PCDH17: variants seen among roughly 807,000 people sequenced by gnomAD.
PCDH17 encodes the protein protocadherin-17.
Under a neutral mutation model 67.7 loss-of-function variants are expected in PCDH17, and 21 were observed. That is an observed-to-expected ratio of 0.31 (90% CI 0.22 to 0.45). The LOEUF (loss-of-function observed/expected upper bound fraction) is 0.45. Among genes scored for constraint, PCDH17 ranks in the 20% least tolerant of loss-of-function variants. The probability of loss-of-function intolerance (pLI) is 1.00; values close to 1 mark genes in which losing one functional copy is unlikely to be tolerated. For missense variants in PCDH17, 1,471 were observed against 1,564.8 expected, an observed-to-expected ratio of 0.94 and a Z score of 1.01; for synonymous variants, 701 against 656.7, an observed-to-expected ratio of 1.07 and a Z score of -1.03.
At chr13:57,721,276 G>A (rs886138319) in intron 3 of PCDH17, among the ~76,000 whole-genome samples, 1 of 152,006 alleles carries the variant, frequency 6.6e-6, no homozygotes, top group African/African-American at 2.4e-5. Flanking sequence ...TAATATCTTG[G>A]CAATCCCAGA....
chr13:57,715,466 GA>G (rs1555288437), intron 3 of PCDH17, among the ~76,000 whole-genome samples: 1 of 151,796 alleles, frequency 6.6e-6, no homozygotes, highest in Non-Finnish European at 1.5e-5. Flanking sequence ...GATTTCAAGG[GA>G]CTTTAGGGTC....
chr13:57,647,695 T>G (rs569704364), intron 1 of PCDH17, among the ~76,000 whole-genome samples: 1 of 151,996 alleles, frequency 6.6e-6, no homozygotes, highest in African/African-American at 2.4e-5. Context: ...TCCTTTAATT[T>G]AGGCTTGAGT....
At chr13:57,640,732 A>G (rs1398172353) in intron 1 of PCDH17, among the ~76,000 whole-genome samples, 3 of 152,050 alleles carry the variant, frequency 2.0e-5, no homozygotes, top group Admixed American at 1.3e-4. Context: ...AGCTGGAAGC[A>G]TGTGAGAATG....
At chr13:57,678,339 A>T (rs1223828635) in intron 3 of PCDH17, among the ~76,000 whole-genome samples, 1 of 151,558 alleles carries the variant, frequency 6.6e-6, no homozygotes, top group Non-Finnish European at 1.5e-5. Flanking sequence ...AAAAGCTTTG[A>T]ATATTCAAGA....
rs142315580 is a variant in PCDH17, at chr13:57,727,766, A to G, written c.*2472A>G. On this transcript the variant is annotated 3_prime_UTR_variant, in exon 4 of 4. Transcript: ENST00000377918. ...GGAGACTACAGGTTGATTTAGCTTG[A>G]TAGCTGAAATTTGATGGAAAACTGA... 1 of 152,230 alleles carries G rather than the reference A, an allele frequency of 6.6e-6. No homozygotes were observed. The highest frequency in any genetic ancestry group is 1.5e-5 in the Non-Finnish European group (1 of 67,978). The allele number at this position is 152,230 out of a possible 1,614,324, so 9.4% of individuals were successfully genotyped here.
chr13:57,633,756 G>T lies in PCDH17; in HGVS notation c.1210G>T (p.Gly404Cys). 2 of 1,589,206 alleles carry T rather than the reference G, an allele frequency of 1.3e-6. No homozygotes were observed. The highest frequency in any genetic ancestry group is 1.7e-6 in the Non-Finnish European group (2 of 1,172,438). The change falls in exon 1 of 4, where the codon GGC becomes TGC. Residue 404 changes from glycine to cysteine, a missense_variant. Physicochemically the swap from Gly to Cys is radical, Grantham distance 159 (BLOSUM62 -3). This residue lies in a region of PCDH17 where 1,163 missense variants were observed against 1,230.0 expected (regional missense o/e 0.95). Transcript: ENST00000377918. This position sits in a 1 kb window ranked among gnomAD's most constrained non-coding sequence, Gnocchi z 6.2. ...GGGTGGGGGL[G>C]GPGGSVPFKL... ...AGGGACGGGCGGCGGCGGGGGCCTGGGCGGGCCCGGGGGTTCCGTCCCCTT... is the reference window on the plus strand; with the variant it reads ...AGGGACGGGCGGCGGCGGGGGCCTGTGCGGGCCCGGGGGTTCCGTCCCCTT...
intron 3 of PCDH17, among the ~76,000 whole-genome samples, chr13:57,698,346 T>C (rs1182559738): frequency 6.6e-6 from 1 of 151,858 alleles, no homozygotes; most frequent in Admixed American, 6.6e-5. Context: ...AATATATTTA[T>C]GGAAACAAAC....
At chr13:57,722,475 T>A (rs1271417534) in intron 3 of PCDH17, among the ~76,000 whole-genome samples, 1 of 152,218 alleles carries the variant, frequency 6.6e-6, no homozygotes, top group Non-Finnish European at 1.5e-5. Context: ...TTGAAAGTTA[T>A]CTATTTGTTG....
chr13:57,656,545 T>C (rs1490767490), intron 1 of PCDH17, among the ~76,000 whole-genome samples: 4 of 152,216 alleles, frequency 2.6e-5, no homozygotes, highest in East Asian at 1.9e-4. Context: ...TGGCCACATA[T>C]AACCTTTGAA....
In PCDH17 at chr13:57,633,724, G is replaced by C; in HGVS notation, c.1178G>C (p.Gly393Ala). Reference sequence around the variant, plus strand: ...GGACAGCTGCAGTGTCGGGTCCTAGGCGGAGGAGGGACGGGCGGCGGCGGG... The same window carrying C: ...GGACAGCTGCAGTGTCGGGTCCTAGCCGGAGGAGGGACGGGCGGCGGCGGG... ...KNGQLQCRVL[G>A]GGGTGGGGGL... The change falls in exon 1 of 4, where the codon GGC (glycine) becomes GCC (alanine). Residue 393 changes from glycine (G) to alanine (A), a missense_variant. Transcript: ENST00000377918. This position sits in a 1 kb window ranked among gnomAD's most constrained non-coding sequence, Gnocchi z 6.2. 2.5e-6 allele frequency: 4 copies of C among 1,600,452 alleles called. No homozygotes were observed. Among genetic ancestry groups the C allele is most frequent in the Non-Finnish European group, 3.4e-6 (4 of 1,178,738 alleles).
At chr13:57,667,806 C>G (rs1955272440) in intron 3 of PCDH17, among the ~76,000 whole-genome samples, 1 of 149,862 alleles carries the variant, frequency 6.7e-6, no homozygotes, top group African/African-American at 2.4e-5. Flanking sequence ...GTTAAGTTTT[C>G]TAGTCGTTAA....
chr13:57,632,338 C>A lies in PCDH17; in HGVS notation c.-209C>A. The A allele has an allele frequency of 1.7e-6, 1 of 595,980 alleles. No homozygotes were observed. Among genetic ancestry groups the A allele is most frequent in the South Asian group, 2.1e-5 (1 of 47,180 alleles). 36.9% of individuals were successfully genotyped at this position (595,980 alleles called of 1,614,324 possible). On this transcript the variant is annotated 5_prime_UTR_variant, in exon 1 of 4. Transcript: ENST00000377918. ...CTGCACCGCAGCTTCTCACCCAGTG[C>A]GGATGCTGTAGATCAACAGGTTCAG...
chr13:57,632,692 C>T lies in PCDH17; in HGVS notation c.146C>T (p.Pro49Leu), dbSNP rs143494894. The change falls in exon 1 of 4, where the codon CCG becomes CTG. Residue 49 changes from proline (P) to leucine (L), a missense_variant. This residue lies in a region of PCDH17 where 1,163 missense variants were observed against 1,230.0 expected (regional missense o/e 0.95). Coordinates refer to ENST00000377918, the MANE Select transcript of PCDH17 (RefSeq NM_001040429.3). ...GRDARLQPGL[P>L]PAERGGGGRS... ...GATGCTCGACTGCAGCCTGGGCTTC[C>T]GCCTGCAGAGCGCGGCGGCGGAGGG... 1.2e-6 allele frequency: 2 copies of T among 1,611,648 alleles called. No individual in the cohort carries two copies. The highest frequency in any genetic ancestry group is 2.2e-5 in the East Asian group (1 of 44,838).
At chr13:57,696,530 A>G (rs1223372803) in intron 3 of PCDH17, among the ~76,000 whole-genome samples, 11 of 151,416 alleles carry the variant, frequency 7.3e-5, no homozygotes, top group Non-Finnish European at 1.3e-4. Flanking sequence ...TGTTCGCAAA[A>G]AAAATGTGGA....
chr13:57,694,278 T>A (rs1363754222), intron 3 of PCDH17, among the ~76,000 whole-genome samples: 1 of 151,192 alleles, frequency 6.6e-6, no homozygotes, highest in Non-Finnish European at 1.5e-5. Context: ...TGGAGCACAA[T>A]AAAATTGCTA....
intron 1 of PCDH17, among the ~76,000 whole-genome samples, chr13:57,635,987 A>G (rs887997868): frequency 6.6e-6 from 1 of 152,202 alleles, no homozygotes; most frequent in African/African-American, 2.4e-5. Flanking sequence ...TGAATTCATG[A>G]TGCATTTAGT....
At chr13:57,672,074 A>G (rs1955329702) in intron 3 of PCDH17, among the ~76,000 whole-genome samples, 1 of 152,190 alleles carries the variant, frequency 6.6e-6, no homozygotes, top group East Asian at 1.9e-4. Flanking sequence ...TTAAAATTTC[A>G]TAATGAAATT....
chr13:57,664,696 C>T (rs1260342663), intron 1 of PCDH17, among the ~76,000 whole-genome samples: 1 of 152,118 alleles, frequency 6.6e-6, no homozygotes, highest in Non-Finnish European at 1.5e-5. Flanking sequence ...TTCTAAAACA[C>T]TTATTTTTAG....
chr13:57,665,376 A>G (rs932502218), intron 1 of PCDH17, among the ~76,000 whole-genome samples: 2 of 151,954 alleles, frequency 1.3e-5, no homozygotes, highest in Admixed American at 1.3e-4. Context: ...ATTATATGGG[A>G]AGAAGAAAAA....
Sources: gnomAD v4.1 joint callset for allele counts (sites outside exome capture counted in the v4.1 genomes callset) on GRCh38, gnomAD v4.1.1 for gene constraint, gnomAD v4.1.1 regional missense constraint, Gnocchi (gnomAD v3.1) non-coding constraint, MANE v1.5 for transcripts, NCBI Gene and HGNC (gene_info 2026-07-23, HGNC 2026-07-21) for gene names.